Variants in N4BP2 observed in about 807,000 individuals in gnomAD.
N4BP2 encodes the protein NEDD4-binding protein 2.
A neutral mutation model predicts 152.8 loss-of-function variants in N4BP2; 91 were observed. The ratio of observed to expected loss-of-function variants is 0.60; its 90% CI spans 0.50 to 0.71. N4BP2 has a LOEUF of 0.71. Among genes scored for constraint, N4BP2 ranks in the 30% least tolerant of loss-of-function variants. The pLI is 0.00. For synonymous variants in N4BP2, 646 were observed against 705.3 expected, an observed-to-expected ratio of 0.92 and a Z score of 1.33; for missense variants, 1,923 against 2,059.1, an observed-to-expected ratio of 0.93 and a Z score of 1.28.
At chr4:40,091,230 T>C (rs952026349) in intron 2 of N4BP2, among the ~76,000 whole-genome samples, 3 of 152,208 alleles carry the variant, frequency 2.0e-5, no homozygotes, top group East Asian at 3.9e-4. Context: ...TATTTCTTCT[T>C]CCCTAATCTA....
chr4:40,137,051 C>G lies in N4BP2; in HGVS notation c.4754C>G (p.Ser1585Cys), dbSNP rs759136604. ...EFVHQNENVT[S>C]HTGQKSKEKK... is the part of the protein sequence containing the mutation. The stretch of plus-strand genomic sequence containing the variant: ...GTTCACCAAAATGAGAATGTCACAT[C>G]TCATACTGGCCAGAAGTCTAAAGAG... Residue 1585 changes from serine to cysteine, a missense_variant, in exon 14 of 18, where the codon TCT (serine) becomes TGT (cysteine). Ser to Cys is a moderately radical substitution (Grantham distance 112). Coordinates refer to ENST00000261435, the MANE Select transcript of N4BP2 (RefSeq NM_018177.6). 6.2e-6 allele frequency: 10 copies of G among 1,613,826 alleles called. No homozygotes were observed. Among genetic ancestry groups the G allele is most frequent in the Non-Finnish European group, 8.5e-6 (10 of 1,179,860 alleles).
At chr4:40,078,772 C>A (rs1367864143) in intron 2 of N4BP2, among the ~76,000 whole-genome samples, 2 of 151,966 alleles carry the variant, frequency 1.3e-5, no homozygotes, top group African/African-American at 2.4e-5. Context: ...AAGCAGTTCG[C>A]CCACTGTGGC....
intron 2 of N4BP2, among the ~76,000 whole-genome samples, chr4:40,085,921 G>A (rs1193156803): frequency 6.6e-6 from 1 of 151,946 alleles, no homozygotes; most frequent in Non-Finnish European, 1.5e-5. Context: ...AGCACTTTGG[G>A]AGGCTGAGGC....
chr4:40,092,011 TATATATA>T (rs1714632025), intron 2 of N4BP2, among the ~76,000 whole-genome samples: 8 of 30,200 alleles, frequency 2.6e-4, no homozygotes, highest in African/African-American at 5.3e-4. Flanking sequence ...AAAAAAATTA[TATATATA>T]TATATATATA....
At chr4:40,169,367 G>A in the N4BP2 span, among the ~76,000 whole-genome samples, 5 of 140,466 alleles carry the variant, frequency 3.6e-5, no homozygotes, top group Non-Finnish European at 6.1e-5. Flanking sequence ...GCAAAACAGA[G>A]CAAGACTGTC....
chr4:40,141,951 G>T (rs1720027961), intron 14 of N4BP2, among the ~76,000 whole-genome samples: 1 of 152,094 alleles, frequency 6.6e-6, no homozygotes, highest in South Asian at 2.1e-4. Flanking sequence ...AGTCAGGCGT[G>T]GTGGCGCGTG....
chr4:40,113,340 C>A, intron 6 of N4BP2, 92 bp from the exon 7 acceptor site: 1 of 934,418 alleles, frequency 1.1e-6, no homozygotes. Flanking sequence ...ATTAGATAAT[C>A]TTTACGTTTT....
At chr4:40,140,072 G>C (rs776505840) in intron 14 of N4BP2, among the ~76,000 whole-genome samples, 1 of 152,002 alleles carries the variant, frequency 6.6e-6, no homozygotes, top group Non-Finnish European at 1.5e-5. Flanking sequence ...GATTACAGGC[G>C]TGAGCCACCA....
rs1235953501 is a variant in N4BP2 at position 40,158,175 on chromosome 4, T to C, written c.*3938T>C. ...CTGTACTTTTTAAATTGAAAATGTTTTATAAATTTGCTTTTAAATTTTCTT... is the reference window on the plus strand; with the variant it reads ...CTGTACTTTTTAAATTGAAAATGTTCTATAAATTTGCTTTTAAATTTTCTT... On this transcript the variant is annotated 3_prime_UTR_variant, in exon 18 of 18. Coordinates refer to ENST00000261435, the MANE Select transcript of N4BP2 (RefSeq NM_018177.6). 6.6e-6 allele frequency: 1 copy of C among 152,234 alleles called. No individual in the cohort carries two copies. The highest frequency in any genetic ancestry group is 1.5e-5 in the Non-Finnish European group (1 of 68,030). The allele number at this position is 152,234 out of a possible 1,614,324, so 9.4% of individuals were successfully genotyped here.
At chr4:40,124,485 T>C (rs1256423310) in intron 11 of N4BP2, among the ~76,000 whole-genome samples, 1 of 152,076 alleles carries the variant, frequency 6.6e-6, no homozygotes, top group African/African-American at 2.4e-5. Context: ...TAGCTGGGAC[T>C]ACAGGTGCGC....
At chr4:40,165,957 C>T in the N4BP2 span, among the ~76,000 whole-genome samples, 4 of 152,196 alleles carry the variant, frequency 2.6e-5, no homozygotes, top group Admixed American at 2.0e-4. Context: ...ACTGCTGGGC[C>T]TTATCTATCT....
intron 2 of N4BP2, among the ~76,000 whole-genome samples, chr4:40,091,005 GTT>G (rs34245436): frequency 1.6e-5 from 2 of 121,570 alleles, no homozygotes; most frequent in Non-Finnish European, 1.6e-5. Context: ...GTATTTCTCT[GTT>G]TTTTTTTTTT....
chr4:40,080,977 T>G (rs945227541), intron 2 of N4BP2, among the ~76,000 whole-genome samples: 2 of 151,914 alleles, frequency 1.3e-5, no homozygotes, highest in African/African-American at 2.4e-5. Context: ...GAATTTTCTT[T>G]AATACACTAA....
chr4:40,147,855 C>T (rs560577958), intron 16 of N4BP2, among the ~76,000 whole-genome samples: 2 of 134,196 alleles, frequency 1.5e-5, no homozygotes, highest in Admixed American at 7.3e-5. Flanking sequence ...CAGACGGGGT[C>T]GCGGCCAGGC....
chr4:40,092,005 AAATT>A (rs1198965615), intron 2 of N4BP2, among the ~76,000 whole-genome samples: 1 of 62,598 alleles, frequency 1.6e-5, no homozygotes. Flanking sequence ...AAAAAAAAAA[AAATT>A]ATATATATAT....
At chr4:40,075,986 C>G (rs1712691686) in intron 2 of N4BP2, among the ~76,000 whole-genome samples, 1 of 152,080 alleles carries the variant, frequency 6.6e-6, no homozygotes, top group Non-Finnish European at 1.5e-5. Context: ...ACCACCAGGC[C>G]TAGCTAATTT....
chr4:40,069,980 TAGTGGATTA>T (rs1380927872), intron 1 of N4BP2, among the ~76,000 whole-genome samples: 2 of 152,146 alleles, frequency 1.3e-5, no homozygotes, highest in African/African-American at 4.8e-5. Flanking sequence ...GGTATTCTTT[TAGTGGATTA>T]AATATGGTTT....
the N4BP2 span, among the ~76,000 whole-genome samples, chr4:40,170,899 CTT>C: frequency 6.6e-6 from 1 of 152,200 alleles, no homozygotes; most frequent in Admixed American, 6.5e-5. Flanking sequence ...TTTGGTTCCT[CTT>C]TGATATGTTG....
At chr4:40,140,650 A>C (rs908734518) in intron 14 of N4BP2, among the ~76,000 whole-genome samples, 8 of 151,560 alleles carry the variant, frequency 5.3e-5, no homozygotes, top group Admixed American at 5.3e-4. Flanking sequence ...GGGATTTGGC[A>C]GGGTCACAGG....
Sources: gnomAD v4.1 joint callset for allele counts (sites outside exome capture counted in the v4.1 genomes callset) on GRCh38, gnomAD v4.1.1 for gene constraint, MANE v1.5 for transcripts, NCBI Gene and HGNC (gene_info 2026-07-23, HGNC 2026-07-21) for gene names.